KLHL32: variants seen among roughly 807,000 people sequenced by gnomAD.
The protein encoded by KLHL32 is kelch like family member 32.
Under a neutral mutation model 64.8 loss-of-function variants are expected in KLHL32, and 35 were observed. The ratio of observed to expected loss-of-function variants is 0.54; its 90% CI spans 0.41 to 0.72. The LOEUF (loss-of-function observed/expected upper bound fraction) is 0.72, where lower values mean the gene tolerates loss of function less well. Ranked by LOEUF, KLHL32 falls within the 30% of genes least tolerant of loss-of-function variation. The pLI, the probability that KLHL32 is intolerant of heterozygous loss-of-function variation, is 0.00. For synonymous variants in KLHL32, 259 were observed against 281.0 expected (o/e 0.92, Z 0.78); for missense variants, 589 against 768.5 (o/e 0.77, Z 2.76).
At chr6:97,126,897 A>G (rs1361657131) in intron 7 of KLHL32, among the ~76,000 whole-genome samples, 1 of 152,140 alleles carries the variant, frequency 6.6e-6, no homozygotes, top group Non-Finnish European at 1.5e-5. Flanking sequence ...TGGCTTGCAT[A>G]TGTGGCTCTT....
At chr6:97,056,106 C>CTTTTTTTT (rs1171932769) in intron 4 of KLHL32, among the ~76,000 whole-genome samples, 10 of 85,070 alleles carry the variant, frequency 1.2e-4, no homozygotes, top group African/African-American at 1.6e-4. Context: ...CTTTTTTTTT[C>CTTTTTTTT]TTTTTTTTTT....
At chr6:97,027,729 C>T (rs1390255445) in intron 3 of KLHL32, among the ~76,000 whole-genome samples, 1 of 152,210 alleles carries the variant, frequency 6.6e-6, no homozygotes, top group Non-Finnish European at 1.5e-5. Context: ...AACACTCCCA[C>T]CCCTCCAAAT....
intron 4 of KLHL32, among the ~76,000 whole-genome samples, chr6:97,056,215 C>T (rs1051539419): frequency 1.3e-5 from 2 of 150,206 alleles, no homozygotes; most frequent in Admixed American, 6.7e-5. Flanking sequence ...ACGCCATTCT[C>T]CTGCCTCAGC....
At chr6:97,095,629 G>A (rs928794214) in intron 6 of KLHL32, among the ~76,000 whole-genome samples, 4 of 152,280 alleles carry the variant, frequency 2.6e-5, no homozygotes, top group African/African-American at 9.6e-5. Flanking sequence ...CTAGGCAGAA[G>A]GAAGTCATGC....
chr6:96,988,777 A>T (rs551357169), intron 3 of KLHL32, among the ~76,000 whole-genome samples: 75 of 152,342 alleles, frequency 4.9e-4, no homozygotes, highest in Middle Eastern at 3.4e-3. Context: ...TGCAACCATA[A>T]AAAAGGATGA....
upstream of KLHL32, among the ~76,000 whole-genome samples, chr6:96,922,075 C>T (rs1768770319): frequency 6.6e-6 from 1 of 152,122 alleles, no homozygotes; most frequent in Non-Finnish European, 1.5e-5. Context: ...AGTGTTTCCC[C>T]AACTCATTTG....
chr6:96,961,645 G>A (rs796111576), intron 1 of KLHL32, among the ~76,000 whole-genome samples: 5 of 152,318 alleles, frequency 3.3e-5, no homozygotes, highest in African/African-American at 7.2e-5. Flanking sequence ...AGGGCTTGGA[G>A]GTATGTATGT....
Position 97,048,258 on chromosome 6 carries a change from G to A in KLHL32, c.312+6659G>A, listed in dbSNP as rs1157308015. On this transcript the variant is annotated intron_variant, in intron 4 of 10. Coordinates refer to ENST00000369261, the MANE Select transcript of KLHL32 (RefSeq NM_052904.4). ...GCTGTGAACCAATTATGTCATATCC[G>A]GGCTTCTGAAGAAGGATGCCTTGGG... Among the ~76,000 whole-genome samples, 4 of 152,078 alleles carry A rather than the reference G, an allele frequency of 2.6e-5. No homozygotes were observed. In the South Asian group the frequency reaches 8.3e-4, roughly 32 times the overall value.
rs76254037 is a variant in KLHL32, at chr6:97,095,060, G to A, written c.627+9719G>A. ...TATAGCTTTTAATTTGTAATTCTAC[G>A]TGAATTACAATGTAATTTGGCATTA... On this transcript the variant is annotated intron_variant, in intron 6 of 10. Transcript: ENST00000369261. Among the ~76,000 whole-genome samples, 840 of 152,144 alleles carry A rather than the reference G, an allele frequency of 5.5e-3. 11 individuals carry two copies. The highest frequency in any genetic ancestry group is 0.019 in the African/African-American group (784 of 41,478).
chr6:97,126,125 CT>C (rs1172289091), intron 7 of KLHL32, among the ~76,000 whole-genome samples: 6 of 151,982 alleles, frequency 3.9e-5, no homozygotes, highest in Admixed American at 3.9e-4. Context: ...TAGTAGGAAA[CT>C]TTTTTTAGTC....
chr6:96,933,578 TC>T (rs1770201934), intron 1 of KLHL32, among the ~76,000 whole-genome samples: 1 of 152,144 alleles, frequency 6.6e-6, no homozygotes, highest in South Asian at 2.1e-4. Context: ...GTGATTCATT[TC>T]CCCTTTGTAT....
At chr6:96,932,575 C>CCCT (rs1554201325) in intron 1 of KLHL32, among the ~76,000 whole-genome samples, 6 of 73,816 alleles carry the variant, frequency 8.1e-5, no homozygotes, top group African/African-American at 3.0e-4. Flanking sequence ...CCCCCCCCCC[C>CCCT]TTTTTTTTTT....
chr6:96,974,027 T>C (rs1775429350), intron 2 of KLHL32, among the ~76,000 whole-genome samples: 1 of 152,020 alleles, frequency 6.6e-6, no homozygotes, highest in Non-Finnish European at 1.5e-5. Flanking sequence ...TGACTTCTTC[T>C]CTTTTTTTTT....
the KLHL32 span, among the ~76,000 whole-genome samples, chr6:96,916,145 A>C: frequency 2.0e-5 from 3 of 151,760 alleles, no homozygotes; most frequent in Non-Finnish European, 2.9e-5. Context: ...ACAGGAATCG[A>C]AAGTGAGGTA....
intron 4 of KLHL32, among the ~76,000 whole-genome samples, chr6:97,054,428 A>G (rs1787468851): frequency 6.6e-6 from 1 of 152,260 alleles, no homozygotes; most frequent in Admixed American, 6.5e-5. Context: ...GAGAAAATGT[A>G]CATTGGTGCT....
intron 3 of KLHL32, among the ~76,000 whole-genome samples, chr6:97,036,302 A>C (rs980370310): frequency 1.3e-5 from 2 of 152,034 alleles, no homozygotes; most frequent in African/African-American, 4.8e-5. Flanking sequence ...TGAGTTGTCT[A>C]TATGTGTTCA....
chr6:96,963,499 G>C (rs573570266), intron 1 of KLHL32, among the ~76,000 whole-genome samples: 1 of 152,284 alleles, frequency 6.6e-6, no homozygotes, highest in East Asian at 1.9e-4. Context: ...TGTGTTTAGA[G>C]CTACTCCTGC....
the KLHL32 span, among the ~76,000 whole-genome samples, chr6:96,915,879 C>T: frequency 6.6e-6 from 1 of 152,158 alleles, no homozygotes; most frequent in Admixed American, 6.5e-5. Flanking sequence ...CCCCCATCGG[C>T]TTAAAAGCAG....
At chr6:97,069,560 A>G (rs1790374501) in intron 5 of KLHL32, among the ~76,000 whole-genome samples, 1 of 152,034 alleles carries the variant, frequency 6.6e-6, no homozygotes, top group South Asian at 2.1e-4. Context: ...TGTAGTTGGA[A>G]AATGTCTCAC....
Sources: gnomAD v4.1 joint callset for allele counts (sites outside exome capture counted in the v4.1 genomes callset) on GRCh38, gnomAD v4.1.1 for gene constraint, MANE v1.5 for transcripts, NCBI Gene and HGNC (gene_info 2026-07-23, HGNC 2026-07-21) for gene names.